The following CABIN1 variants were observed in gnomAD, a reference collection of about 807,000 sequenced individuals.
CABIN1 encodes the protein calcineurin binding protein 1.
Under a neutral mutation model 227.7 loss-of-function variants are expected in CABIN1, and 133 were observed. That is an observed-to-expected ratio of 0.58 (90% CI 0.51 to 0.67). The LOEUF is 0.67. CABIN1 is among the 30% of genes least tolerant of loss of function. The probability of loss-of-function intolerance (pLI) is 0.00; values close to 1 mark genes in which losing one functional copy is unlikely to be tolerated. For synonymous variants in CABIN1, 1,086 were observed against 1,155.1 expected (o/e 0.94, Z 1.21); for missense variants, 2,408 against 2,852.5 (o/e 0.84, Z 3.55).
At chr22:24,020,377 A>G (rs2035635525) in intron 1 of CABIN1, among the ~76,000 whole-genome samples, 1 of 152,044 alleles carries the variant, frequency 6.6e-6, no homozygotes, top group Admixed American at 6.6e-5. Flanking sequence ...GCCGGCATAC[A>G]GTGGTGCAAT....
chr22:24,043,114 G>T, intron 6 of CABIN1, 30 bp downstream of exon 6: 1 of 1,608,038 alleles, frequency 6.2e-7, no homozygotes, highest in Non-Finnish European at 8.5e-7. Context: ...TTTCTTCCAT[G>T]TGCCAGTGGT....
At chr22:24,071,145 C>T in intron 17 of CABIN1, 103 bp downstream of exon 17, 1 of 1,488,658 alleles carries the variant, frequency 6.7e-7, no homozygotes, top group Non-Finnish European at 9.3e-7. Flanking sequence ...ATTAGGCACC[C>T]AAAGGGGACA....
intron 19 of CABIN1, 46 bp from the exon 20 acceptor site, chr22:24,083,182 G>A: frequency 6.2e-7 from 1 of 1,604,104 alleles, no homozygotes. Context: ...CAGGGAGGCA[G>A]TGGCTACAGG....
rs544675800 is a variant in CABIN1, at chr22:24,045,394, G to A, written c.526+2310G>A. ...TCTAGGAGGCTGAGATGGGAGGATCGCTTGAGCCCAGAAGTTCAAGAACAG... is the reference window on the plus strand; with the variant it reads ...TCTAGGAGGCTGAGATGGGAGGATCACTTGAGCCCAGAAGTTCAAGAACAG... On this transcript the variant is annotated intron_variant, in intron 6 of 36. Transcript: ENST00000263119. Among the ~76,000 whole-genome samples, 7 of 152,088 alleles carry A rather than the reference G, an allele frequency of 4.6e-5. 1 individual carries two copies. In the East Asian group the frequency reaches 9.6e-4, roughly 21 times the overall value.
At chr22:24,012,679 G>A (rs2034912945) in intron 1 of CABIN1, among the ~76,000 whole-genome samples, 1 of 152,214 alleles carries the variant, frequency 6.6e-6, no homozygotes, top group African/African-American at 2.4e-5. Flanking sequence ...CCTGGTGAAT[G>A]TGCTGCTATC....
intron 29 of CABIN1, among the ~76,000 whole-genome samples, chr22:24,146,089 A>G (rs938378415): frequency 6.6e-6 from 1 of 152,232 alleles, no homozygotes; most frequent in African/African-American, 2.4e-5. Flanking sequence ...CAGGGGATCA[A>G]AGGAAACCCA....
At chr22:24,098,289 G>C (rs963975418) in intron 26 of CABIN1, 97 bp downstream of exon 26, 4 of 1,572,296 alleles carry the variant, frequency 2.5e-6, no homozygotes, top group South Asian at 1.1e-5. Flanking sequence ...TTTGGTGAGG[G>C]GGGGTGCTGG....
chr22:24,096,489 A>AGTGGGAAGT, intron 25 of CABIN1, among the ~76,000 whole-genome samples: 1 of 152,240 alleles, frequency 6.6e-6, no homozygotes, highest in South Asian at 2.1e-4. Context: ...CCTGAGAAGC[A>AGTGGGAAGT]GTGGGAAGTG....
chr22:24,169,071 A>G lies in CABIN1; in HGVS notation c.5757+550A>G, dbSNP rs1037162496. Among the ~76,000 whole-genome samples the G allele has an allele frequency of 2.6e-4, 35 of 137,034 alleles. No individual in the cohort carries two copies. The South Asian group carries it at 2.9e-3, about 11-fold the overall frequency. The allele number at this position is 137,034 out of a possible 152,430, so 89.9% of individuals were successfully genotyped here. A position where few individuals can be genotyped will look rare whatever the true frequency, so the allele number is the denominator to read the frequency against. ...TGCAAGGTCCAGGCCAGGGCTGGGG[A>G]GGGGGGGGCGGGGTCCAAGATATGG... On this transcript the variant is annotated intron_variant, in intron 33 of 36. Coordinates refer to ENST00000263119, the MANE Select transcript of CABIN1 (RefSeq NM_012295.4).
chr22:24,065,760 G>A (rs1416059124), intron 15 of CABIN1, among the ~76,000 whole-genome samples: 2 of 152,266 alleles, frequency 1.3e-5, no homozygotes, highest in African/African-American at 2.4e-5. Context: ...CCGGCACCTC[G>A]GGAGGCCGAG....
intron 18 of CABIN1, 35 bp downstream of exon 18, chr22:24,072,545 T>A: frequency 5.6e-6 from 9 of 1,613,376 alleles, no homozygotes; most frequent in Non-Finnish European, 7.6e-6. Context: ...GGATGAGCTC[T>A]GACTCCCATG....
At chr22:24,021,316 G>GGCC (rs1264595702) in intron 1 of CABIN1, among the ~76,000 whole-genome samples, 1 of 151,680 alleles carries the variant, frequency 6.6e-6, no homozygotes, top group Non-Finnish European at 1.5e-5. Flanking sequence ...CACCAAGCCT[G>GGCC]GCCATCATTT....
rs541633293 is a variant in CABIN1, at chr22:24,079,467, A to T, written c.2748+3183A>T. ...AGTGTGTACATTGTTAACTTTAAAA[A>T]TTTTATTTTCAGATTATTCTCCAAA... On this transcript the variant is annotated intron_variant, in intron 19 of 36. Transcript: ENST00000263119. Among the ~76,000 whole-genome samples the T allele has an allele frequency of 1.2e-4, 18 of 152,192 alleles. No individual in the cohort carries two copies. In the East Asian group the frequency reaches 2.9e-3, roughly 24 times the overall value.
chr22:24,109,896 G>A (rs138558707), intron 26 of CABIN1, among the ~76,000 whole-genome samples: 4 of 152,352 alleles, frequency 2.6e-5, no homozygotes, highest in East Asian at 1.9e-4. Flanking sequence ...TCAGCCGGGC[G>A]TGGTGGCTCA....
chr22:24,064,932 A>G (rs1302245926), intron 15 of CABIN1, among the ~76,000 whole-genome samples: 5 of 152,252 alleles, frequency 3.3e-5, no homozygotes, highest in East Asian at 1.9e-4. Flanking sequence ...ACACAGACAC[A>G]GCAACCATCC....
intron 19 of CABIN1, among the ~76,000 whole-genome samples, chr22:24,079,599 G>A (rs1488849405): frequency 1.3e-5 from 2 of 152,190 alleles, no homozygotes; most frequent in East Asian, 3.8e-4. Flanking sequence ...TGAAAGGCAT[G>A]AAATGGTATT....
chr22:24,082,774 T>C (rs1274499914), intron 19 of CABIN1, among the ~76,000 whole-genome samples: 4 of 152,254 alleles, frequency 2.6e-5, no homozygotes, highest in African/African-American at 9.6e-5. Flanking sequence ...TATCATCTTA[T>C]GTTATAATTA....
intron 1 of CABIN1, among the ~76,000 whole-genome samples, chr22:24,033,389 C>G (rs941595606): frequency 6.6e-6 from 1 of 152,156 alleles, no homozygotes; most frequent in African/African-American, 2.4e-5. Context: ...GTCTCAAACT[C>G]CTGGGCTCAA....
chr22:24,078,668 G>A (rs1163998722), intron 19 of CABIN1, among the ~76,000 whole-genome samples: 1 of 152,122 alleles, frequency 6.6e-6, no homozygotes. Context: ...GTGCTATAGA[G>A]CCTTTATTAA....
Sources: allele counts gnomAD v4.1 joint callset (sites outside exome capture counted in the v4.1 genomes callset), GRCh38; gene constraint gnomAD v4.1.1; transcripts MANE v1.5; gene names NCBI Gene and HGNC (gene_info 2026-07-23, HGNC 2026-07-21).